VPS13B: variants seen among roughly 807,000 people sequenced by gnomAD.
VPS13B encodes intermembrane lipid transfer protein VPS13B.
VPS13B carries 285 observed loss-of-function variants against 426.4 expected under a neutral mutation model. That is an observed-to-expected ratio of 0.67 (90% CI 0.61 to 0.74). The LOEUF is 0.74. Ranked by LOEUF, VPS13B falls within the 30% of genes least tolerant of loss-of-function variation. The pLI, the probability that VPS13B is intolerant of heterozygous loss-of-function variation, is 0.00. For missense variants in VPS13B, 4,537 were observed against 4,782.6 expected (o/e 0.95, Z 1.51); for synonymous variants, 1,676 against 1,676.4 (o/e 1.00, Z 0.01).
intron 25 of VPS13B, 23 bp from the exon 26 acceptor site, chr8:99,501,664 A>ATTTTTTTTTTTTTTTTTTTT (rs747966427): frequency 6.2e-7 from 1 of 1,604,106 alleles, no homozygotes; most frequent in Non-Finnish European, 8.5e-7. Context: ...ACAAAGTAAG[A>ATTTTTTTTTTTTTTTTTTTT]TTTTTTTTTC....
intron 19 of VPS13B, among the ~76,000 whole-genome samples, chr8:99,323,390 G>A (rs1303673039): frequency 6.6e-6 from 1 of 152,146 alleles, no homozygotes; most frequent in Non-Finnish European, 1.5e-5. Context: ...AGATACTATG[G>A]TTGATGCTTA....
intron 35 of VPS13B, among the ~76,000 whole-genome samples, chr8:99,668,033 A>G (rs927650668): frequency 6.6e-6 from 1 of 152,188 alleles, no homozygotes; most frequent in Non-Finnish European, 1.5e-5. Flanking sequence ...GTTTTTAGGT[A>G]ATGACATTGT....
At chr8:99,678,245 A>T (rs974107828) in intron 35 of VPS13B, among the ~76,000 whole-genome samples, 1 of 152,098 alleles carries the variant, frequency 6.6e-6, no homozygotes, top group African/African-American at 2.4e-5. Context: ...TCTTCAGGCC[A>T]TTCTTATTTT....
chr8:99,196,467 G>GTTTT (rs527809837), intron 17 of VPS13B, among the ~76,000 whole-genome samples: 1 of 127,206 alleles, frequency 7.9e-6, no homozygotes, highest in Non-Finnish European at 1.7e-5. Flanking sequence ...GTCTTTAGGG[G>GTTTT]TTTTTTTTTT....
At chr8:99,040,696 G>T (rs1228623574) in intron 3 of VPS13B, among the ~76,000 whole-genome samples, 1 of 152,030 alleles carries the variant, frequency 6.6e-6, no homozygotes, top group Non-Finnish European at 1.5e-5. Context: ...AAGAAAAGAC[G>T]TATTTTCTAA....
chr8:99,674,759 A>G (rs1311502783), intron 35 of VPS13B, among the ~76,000 whole-genome samples: 1 of 152,040 alleles, frequency 6.6e-6, no homozygotes, highest in African/African-American at 2.4e-5. Flanking sequence ...CATGAGGCAT[A>G]TCAAAAAATC....
intron 17 of VPS13B, among the ~76,000 whole-genome samples, chr8:99,255,472 T>C (rs1817698850): frequency 1.3e-5 from 2 of 152,214 alleles, no homozygotes; most frequent in Admixed American, 6.5e-5. Flanking sequence ...TGGATATTGT[T>C]TTCCGAGATT....
rs1815354142 is a variant in VPS13B, at chr8:99,835,683, A to G, written c.9887A>G (p.Asp3296Gly). 1 of 1,614,070 alleles carries G rather than the reference A, an allele frequency of 6.2e-7. No individual in the cohort carries two copies. The highest frequency in any genetic ancestry group is 2.2e-5 in the East Asian group (1 of 44,888). The change falls in exon 54 of 62, where the codon GAT becomes GGT. Residue 3296 changes from aspartate to glycine, a missense_variant. Physicochemically the swap from Asp to Gly is moderately conservative, Grantham distance 94. Around this residue, in one of 2 missense-constraint regions of VPS13B, gnomAD observed 4,311 missense variants for 4,474.3 expected, o/e 0.96. Transcript: ENST00000357162. ...PSLLLRVEPL[D>G]EVTTEWSDAI... ...CTACTTTTGAGAGTTGAACCTCTAG[A>G]TGAAGTAACAACTGAGTGGAGTGAT...
chr8:99,646,182 A>C (rs1231707210), intron 34 of VPS13B, among the ~76,000 whole-genome samples: 1 of 152,164 alleles, frequency 6.6e-6, no homozygotes, highest in African/African-American at 2.4e-5. Flanking sequence ...GTAACATGTC[A>C]TGTGTTTCCA....
intron 17 of VPS13B, among the ~76,000 whole-genome samples, chr8:99,265,843 T>C (rs1028383484): frequency 1.3e-5 from 2 of 152,228 alleles, no homozygotes; most frequent in Non-Finnish European, 2.9e-5. Context: ...AGGCTACTCA[T>C]TGCTACTTGT....
intron 39 of VPS13B, among the ~76,000 whole-genome samples, chr8:99,759,898 C>G (rs1001719086): frequency 3.9e-5 from 6 of 152,178 alleles, no homozygotes; most frequent in African/African-American, 1.4e-4. Context: ...ATCAACATTT[C>G]TAGCTTAGAC....
At chr8:99,237,876 T>A (rs1312086597) in intron 17 of VPS13B, among the ~76,000 whole-genome samples, 1 of 151,960 alleles carries the variant, frequency 6.6e-6, no homozygotes, top group East Asian at 1.9e-4. Context: ...GGGTTATTTT[T>A]TTTTTTTTTT....
Position 99,189,089 on chromosome 8 carries a change from G to A in VPS13B, c.2334-3787G>A, listed in dbSNP as rs533224298. On this transcript the variant is annotated intron_variant, in intron 16 of 61. Transcript: ENST00000357162. ...TAATTTTTTGTATTTTTAGTAGAGA[G>A]GGGGTTTCATCATGTTAGCCCGGCT... Among the ~76,000 whole-genome samples the A allele has an allele frequency of 7.9e-5, 12 of 152,078 alleles. No individual in the cohort carries two copies. The South Asian group carries it at 2.5e-3, about 32-fold the overall frequency.
intron 3 of VPS13B, among the ~76,000 whole-genome samples, chr8:99,052,888 C>A (rs1419140147): frequency 6.6e-6 from 1 of 152,090 alleles, no homozygotes; most frequent in East Asian, 1.9e-4. Context: ...TCCCCTTTAT[C>A]ATATTTTATT....
chr8:99,725,229 A>G (rs769994117), intron 39 of VPS13B, among the ~76,000 whole-genome samples: 22 of 152,148 alleles, frequency 1.4e-4, no homozygotes, highest in Non-Finnish European at 2.5e-4. Context: ...CCTAGATTGT[A>G]TGTCTGTAAA....
At chr8:99,605,413 A>G (rs550735673) in intron 33 of VPS13B, among the ~76,000 whole-genome samples, 1 of 152,222 alleles carries the variant, frequency 6.6e-6, no homozygotes, top group African/African-American at 2.4e-5. Context: ...TTTGGTAAAA[A>G]AAAATGAGTC....
chr8:99,207,988 A>G (rs1269837543), intron 17 of VPS13B, among the ~76,000 whole-genome samples: 1 of 152,218 alleles, frequency 6.6e-6, no homozygotes, highest in East Asian at 1.9e-4. Context: ...ACAAGAGTTA[A>G]TTACATACAG....
At position 99,192,857 on chromosome 8, in the gene VPS13B, T is replaced by G. The variant is rs911409289; in HGVS notation, c.2334-19T>G. The G allele has an allele frequency of 1.2e-6, 2 of 1,611,696 alleles. No homozygotes were observed. Among genetic ancestry groups the G allele is most frequent in the Admixed American group, 3.3e-5 (2 of 59,984 alleles). On this transcript the variant is annotated intron_variant, in intron 16 of 61. Coordinates refer to ENST00000357162, the MANE Select transcript of VPS13B (RefSeq NM_152564.5). Reference sequence around the variant, plus strand: ...AATGCTATTTACTGTATTGCGATTCTTTCTGTTTTCTTGTGCAGGACCAAA... The same window carrying G: ...AATGCTATTTACTGTATTGCGATTCGTTCTGTTTTCTTGTGCAGGACCAAA...
At chr8:99,311,098 T>C (rs1328585141) in intron 19 of VPS13B, among the ~76,000 whole-genome samples, 1 of 152,204 alleles carries the variant, frequency 6.6e-6, no homozygotes. Flanking sequence ...CTATCAATTT[T>C]GTTGATCTTT....
Sources: gnomAD v4.1 joint callset for allele counts (sites outside exome capture counted in the v4.1 genomes callset) on GRCh38, gnomAD v4.1.1 for gene constraint, gnomAD v4.1.1 regional missense constraint, MANE v1.5 for transcripts, NCBI Gene and HGNC (gene_info 2026-07-23, HGNC 2026-07-21) for gene names.